The following ABHD2 variants were observed in gnomAD, a reference collection of about 807,000 sequenced individuals.
ABHD2 encodes the protein monoacylglycerol lipase ABHD2.
ABHD2 carries 20 observed loss-of-function variants against 48.1 expected under a neutral mutation model. The ratio of observed to expected loss-of-function variants is 0.42; its 90% CI spans 0.29 to 0.60. The LOEUF (loss-of-function observed/expected upper bound fraction) is 0.60, where lower values mean the gene tolerates loss of function less well. Ranked by LOEUF, ABHD2 falls within the 20% of genes least tolerant of loss-of-function variation. ABHD2 has a pLI of 0.24. For synonymous variants in ABHD2, 209 were observed against 214.2 expected (o/e 0.98, Z 0.21); for missense variants, 405 against 550.9 (o/e 0.74, Z 2.65).
rs1164317821 is a variant in ABHD2 at position 89,170,688 on chromosome 15, A to G, written c.539-5124A>G. On this transcript the variant is annotated intron_variant, in intron 5 of 10. Transcript: ENST00000352732. ...ATGGACCAGAGGGCCTGTTACCCAC[A>G]CTTCTTCCAGTCCTGGGTATTGGCA... 3.9e-5 allele frequency among the ~76,000 whole-genome samples: 6 copies of G among 152,212 alleles called. No homozygotes were observed. In the East Asian group the frequency reaches 1.2e-3, roughly 29 times the overall value.
intron 6 of ABHD2, among the ~76,000 whole-genome samples, chr15:89,183,161 G>A (rs79738825): frequency 0.024 from 3,610 of 151,948 alleles, 139 homozygotes; most frequent in African/African-American, 0.083. Context: ...TGTCTAGTCA[G>A]TGTCCAGATT....
intron 4 of ABHD2, among the ~76,000 whole-genome samples, chr15:89,153,202 G>A (rs950726526): frequency 3.3e-5 from 5 of 152,116 alleles, no homozygotes; most frequent in Admixed American, 1.3e-4. Flanking sequence ...AATCCATCAC[G>A]ACTTCCTGCT....
the ABHD2 span, among the ~76,000 whole-genome samples, chr15:89,047,634 C>A: frequency 6.6e-6 from 1 of 151,022 alleles, no homozygotes; most frequent in Non-Finnish European, 1.5e-5. Flanking sequence ...TTGAATTGAT[C>A]CCTTTACCAT....
intron 1 of ABHD2, among the ~76,000 whole-genome samples, chr15:89,110,917 C>T (rs1393451072): frequency 6.6e-6 from 1 of 152,196 alleles, no homozygotes; most frequent in Non-Finnish European, 1.5e-5. Flanking sequence ...TAAAGTCCCA[C>T]ATTTTTTTTA....
intron 3 of ABHD2, among the ~76,000 whole-genome samples, chr15:89,147,683 C>T (rs2050517844): frequency 6.6e-6 from 1 of 151,760 alleles, no homozygotes; most frequent in Admixed American, 6.6e-5. Context: ...AAATGCAAAA[C>T]ACAAAGGTTT....
chr15:89,086,201 A>AT (rs200660779), upstream of ABHD2, among the ~76,000 whole-genome samples: 3,012 of 151,818 alleles, frequency 0.02, 28 homozygotes, highest in Middle Eastern at 0.041. Context: ...CTAATTTTGT[A>AT]TTTTTAGTAG....
intron 2 of ABHD2, among the ~76,000 whole-genome samples, chr15:89,115,370 A>ATGTGTGTGTG (rs1164718189): frequency 9.9e-6 from 1 of 100,632 alleles, no homozygotes; most frequent in East Asian, 2.5e-4. Flanking sequence ...GTTTGGAGGT[A>ATGTGTGTGTG]TGTGTGTGTG....
Position 89,195,135 on chromosome 15 carries a change from C to A in ABHD2, c.1082-92C>A. 6.9e-7 allele frequency: 1 copy of A among 1,454,182 alleles called. No homozygotes were observed. Among genetic ancestry groups the A allele is most frequent in the Non-Finnish European group, 9.3e-7 (1 of 1,076,094 alleles). 90.1% of individuals were successfully genotyped at this position (1,454,182 alleles called of 1,614,324 possible). On this transcript the variant is annotated intron_variant, in intron 10 of 10. Transcript: ENST00000352732. This position sits in a 1 kb window ranked among gnomAD's most constrained non-coding sequence, Gnocchi z 5.1. ...GCCCACTTAGGTGACCCTGCGGGGA[C>A]AGCCAGGCTACCCTAGCCAGCTCAC... is the stretch of plus-strand genomic sequence containing the variant.
In ABHD2 at chr15:89,177,448, G is replaced by T. The variant is rs1429765677; in HGVS notation, c.722+1453G>T. Among the ~76,000 whole-genome samples, 1 of 152,184 alleles carries T rather than the reference G, an allele frequency of 6.6e-6. No individual in the cohort carries two copies. The highest frequency in any genetic ancestry group is 1.5e-5 in the Non-Finnish European group (1 of 68,038). ...ATGTTAGAAAGAAATTCTGTTTCTT[G>T]GGCCCCACCCTTGGAGATTTTGATT... On this transcript the variant is annotated intron_variant, in intron 6 of 10. Transcript: ENST00000352732. The surrounding 1 kb of genome is among the most constrained non-coding windows in gnomAD (Gnocchi z 5.6).
intron 4 of ABHD2, among the ~76,000 whole-genome samples, chr15:89,153,888 A>C (rs961540204): frequency 1.3e-5 from 2 of 152,224 alleles, no homozygotes; most frequent in African/African-American, 2.4e-5. Context: ...TTAAAACTCT[A>C]AAAGTCTTCA....
At chr15:89,112,731 AT>A (rs2049895040) in intron 1 of ABHD2, among the ~76,000 whole-genome samples, 1 of 152,172 alleles carries the variant, frequency 6.6e-6, no homozygotes, top group Admixed American at 6.5e-5. Flanking sequence ...CTCCTGCACC[AT>A]CCATTTTCTT....
intron 5 of ABHD2, among the ~76,000 whole-genome samples, chr15:89,157,915 G>C (rs1167077654): frequency 2.6e-5 from 4 of 152,072 alleles, no homozygotes; most frequent in African/African-American, 9.7e-5. Context: ...GGTGAATAGT[G>C]AGTATGTGGG....
rs921113152 is a variant in ABHD2, at chr15:89,099,435, G to GCAA, written c.-107+10888_-107+10890dup. Among the ~76,000 whole-genome samples, 9 of 151,734 alleles carry GCAA rather than the reference G, an allele frequency of 5.9e-5. No individual in the cohort carries two copies. The East Asian group carries it at 7.8e-4, about 13-fold the overall frequency. ...GAAAACATAGTGAGACTCCATCTCT[G>GCAA]CAACAACAACAACAACAAGAAATTT... On this transcript the variant is annotated intron_variant, in intron 1 of 10. Coordinates refer to ENST00000352732, the MANE Select transcript of ABHD2 (RefSeq NM_152924.5).
rs2050653581 is a variant in ABHD2 at position 89,155,288 on chromosome 15, A to C, written c.371-79A>C. 1 of 1,465,648 alleles carries C rather than the reference A, an allele frequency of 6.8e-7. No individual in the cohort carries two copies. Among genetic ancestry groups the C allele is most frequent in the East Asian group, 2.3e-5 (1 of 43,506 alleles). 90.8% of individuals were successfully genotyped at this position (1,465,648 alleles called of 1,614,324 possible). A position where few individuals can be genotyped will look rare whatever the true frequency, so the allele number is the denominator to read the frequency against. On this transcript the variant is annotated intron_variant, in intron 4 of 10. Transcript: ENST00000352732. The surrounding 1 kb of genome is among the most constrained non-coding windows in gnomAD (Gnocchi z 4.9). ...GTTGAATTCCCTCCCCTTGTTTTCT[A>C]GACCAGTGAAGTGTAATTATGTCCA...
At chr15:89,056,732 C>G in the ABHD2 span, among the ~76,000 whole-genome samples, 2 of 152,256 alleles carry the variant, frequency 1.3e-5, no homozygotes, top group South Asian at 2.1e-4. Flanking sequence ...AGCAGCACTA[C>G]TTATTACAAC....
chr15:89,185,638 G>C lies in ABHD2; in HGVS notation c.815+122G>C, dbSNP rs566346065. ...AAAAAAAAAATGCAGGTGTGGTACA[G>C]ACTCTCTGCTGCCTGCATTTGTGAC... On this transcript the variant is annotated intron_variant, in intron 7 of 10. Transcript: ENST00000352732. The surrounding 1 kb of genome is among the most constrained non-coding windows in gnomAD (Gnocchi z 5.9). The C allele has an allele frequency of 1.0e-4, 88 of 852,170 alleles. No individual in the cohort carries two copies. The highest frequency in any genetic ancestry group is 1.3e-4 in the Non-Finnish European group (69 of 537,148). 52.8% of individuals were successfully genotyped at this position (852,170 alleles called of 1,614,324 possible).
rs767732232 is a variant in ABHD2, at chr15:89,188,274, C to T, written c.897C>T (p.Ser299=). 1 of 1,614,214 alleles carries T rather than the reference C, an allele frequency of 6.2e-7. No individual in the cohort carries two copies. The highest frequency in any genetic ancestry group is 1.7e-5 in the Admixed American group (1 of 60,034). ...TGAGCCGGCTCTACACAGCAACATC[C>T]CTGATGCAGATTGATGACAATGTGA... ...TDLSRLYTAT[S]LMQIDDNVMR... Residue 299 remains serine (S), a synonymous_variant, in exon 8 of 11, where the codon TCC becomes TCT. Coordinates refer to ENST00000352732, the MANE Select transcript of ABHD2 (RefSeq NM_152924.5). This position sits in a 1 kb window ranked among gnomAD's most constrained non-coding sequence, Gnocchi z 4.1.
At position 89,137,231 on chromosome 15, in the gene ABHD2, G is replaced by A. The variant is rs147749808; in HGVS notation, c.195-14446G>A. On this transcript the variant is annotated intron_variant, in intron 3 of 10. Coordinates refer to ENST00000352732, the MANE Select transcript of ABHD2 (RefSeq NM_152924.5). The surrounding 1 kb of genome is among the most constrained non-coding windows in gnomAD (Gnocchi z 4.8). The stretch of plus-strand genomic sequence containing the variant: ...GGTTGAAATGCAACGTGAGGAGAGA[G>A]GACTGTGCTTTGGTGTGCCTAGGGA... 4.9e-4 allele frequency among the ~76,000 whole-genome samples: 75 copies of A among 152,252 alleles called. No individual in the cohort carries two copies. Among genetic ancestry groups the A allele is most frequent in the African/African-American group, 1.8e-3 (73 of 41,548 alleles).
At chr15:89,187,859 C>G (rs1281290292) in intron 7 of ABHD2, among the ~76,000 whole-genome samples, 1 of 152,222 alleles carries the variant, frequency 6.6e-6, no homozygotes, top group Non-Finnish European at 1.5e-5. Context: ...ATTGTCAACA[C>G]AGTGTAAGGA....
Sources: allele counts gnomAD v4.1 joint callset (sites outside exome capture counted in the v4.1 genomes callset), GRCh38; gene constraint gnomAD v4.1.1; non-coding constraint Gnocchi (gnomAD v3.1); transcripts MANE v1.5; gene names NCBI Gene and HGNC (gene_info 2026-07-23, HGNC 2026-07-21).